Variants in PTCH1 observed in about 807,000 individuals in gnomAD.
The protein encoded by PTCH1 is protein patched homolog 1.
A neutral mutation model predicts 144.6 loss-of-function variants in PTCH1; 14 were observed. The observed-to-expected ratio is 0.10, with a 90% CI of 0.06 to 0.15. The LOEUF is 0.15. Ranked by LOEUF, PTCH1 falls within the 10% of genes least tolerant of loss-of-function variation. The pLI is 1.00. For missense variants in PTCH1, 1,623 were observed against 1,948.3 expected (o/e 0.83, Z 3.14); for synonymous variants, 833 against 793.6 (o/e 1.05, Z -0.83).
In PTCH1 at chr9:95,456,352, T is replaced by C. The variant is rs2136649079; in HGVS notation, c.3230A>G (p.Lys1077Arg). 6.2e-7 allele frequency: 1 copy of C among 1,614,122 alleles called. No homozygotes were observed. The highest frequency in any genetic ancestry group is 2.2e-5 in the East Asian group (1 of 44,876). The stretch of plus-strand genomic sequence containing the variant: ...GATGACCACGGGCACGGCACTGAGC[T>C]TGATTCCGATGAGGCCCATCATGCC... ...LFGMMGLIGI[K>R]LSAVPVVILI... The change falls in exon 19 of 24, where the codon AAG (lysine) becomes AGG (arginine). Residue 1077 changes from lysine (K) to arginine (R), a missense_variant. Physicochemically the swap from Lys to Arg is conservative, Grantham distance 26. This residue lies in a region of PTCH1 where 504 missense variants were observed against 679.3 expected (regional missense o/e 0.74). Transcript: ENST00000331920.
chr9:95,462,838 C>T (rs531619698), intron 15 of PTCH1, among the ~76,000 whole-genome samples: 4 of 152,346 alleles, frequency 2.6e-5, no homozygotes, highest in Admixed American at 2.0e-4. Context: ...CACACAGCTG[C>T]GCTTGGCCTC....
chr9:95,512,647 G>A (rs1564096027), upstream of PTCH1, among the ~76,000 whole-genome samples: 2 of 152,138 alleles, frequency 1.3e-5, no homozygotes, highest in Admixed American at 1.3e-4. Flanking sequence ...GCTTTAATAT[G>A]CATGCCCTGT....
upstream of PTCH1, among the ~76,000 whole-genome samples, chr9:95,512,423 T>TA (rs1249339642): frequency 7.3e-6 from 1 of 136,086 alleles, no homozygotes; most frequent in Non-Finnish European, 1.6e-5. Context: ...TTTTCATACT[T>TA]AGAGATGAAT....
chr9:95,502,815 T>A (rs1843247104), intron 2 of PTCH1, among the ~76,000 whole-genome samples: 2 of 152,154 alleles, frequency 1.3e-5, no homozygotes, highest in South Asian at 4.1e-4. Context: ...TAAAGCCAAC[T>A]CTTTATAAAG....
Position 95,506,616 on chromosome 9 carries a change from A to C in PTCH1, c.202-17T>G. On this transcript the variant is annotated splice_polypyrimidine_tract_variant and intron_variant, in intron 1 of 23. Coordinates refer to ENST00000331920, the MANE Select transcript of PTCH1 (RefSeq NM_000264.5). ...AGCCTTCCCCTGGGGACGAAGCAGA[A>C]GGGAGGAGTGAGCGCCGGGGAGTCG... The C allele has an allele frequency of 6.3e-7, 1 of 1,588,408 alleles. No homozygotes were observed. Among genetic ancestry groups the C allele is most frequent in the Non-Finnish European group, 8.6e-7 (1 of 1,166,476 alleles).
At chr9:95,455,574 G>C (rs1010941920) in intron 19 of PTCH1, among the ~76,000 whole-genome samples, 1 of 152,134 alleles carries the variant, frequency 6.6e-6, no homozygotes, top group African/African-American at 2.4e-5. Context: ...TTATCTCTTG[G>C]ACTAAAGATT....
chr9:95,445,620 T>C lies in PTCH1; in HGVS notation c.*773A>G, dbSNP rs952218521. 6.6e-6 allele frequency: 1 copy of C among 152,208 alleles called. No homozygotes were observed. Among genetic ancestry groups the C allele is most frequent in the African/African-American group, 2.4e-5 (1 of 41,440 alleles). 9.4% of individuals were successfully genotyped at this position (152,208 alleles called of 1,614,324 possible). A position where few individuals can be genotyped will look rare whatever the true frequency, so the allele number is the denominator to read the frequency against. ...CTGATTTGAAAGGATTAGGTGGATG[T>C]TTAGGGCCAGCCCTCACCAGCACGA... On this transcript the variant is annotated 3_prime_UTR_variant, in exon 24 of 24. Transcript: ENST00000331920.
intron 19 of PTCH1, among the ~76,000 whole-genome samples, chr9:95,455,128 G>C (rs1398236704): frequency 6.6e-6 from 1 of 152,152 alleles, no homozygotes; most frequent in Non-Finnish European, 1.5e-5. Flanking sequence ...ATTTGAGCAG[G>C]CTCAAAATTT....
intron 22 of PTCH1, among the ~76,000 whole-genome samples, 197 bp downstream of exon 22, chr9:95,448,872 C>T (rs1224018759): frequency 6.6e-6 from 1 of 152,204 alleles, no homozygotes; most frequent in Admixed American, 6.5e-5. Context: ...GATCAAACCA[C>T]AGGAAGATGG....
chr9:95,492,076 C>G (rs542339511), intron 2 of PTCH1, among the ~76,000 whole-genome samples: 1 of 152,276 alleles, frequency 6.6e-6, no homozygotes, highest in East Asian at 1.9e-4. Flanking sequence ...AGCCATCCAG[C>G]AGATGTCTCC....
intron 15 of PTCH1, among the ~76,000 whole-genome samples, chr9:95,464,635 G>A (rs539829622): frequency 6.6e-6 from 1 of 152,250 alleles, no homozygotes; most frequent in South Asian, 2.1e-4. Flanking sequence ...TTGCATGTAT[G>A]TTTTAAGATG....
intron 2 of PTCH1, among the ~76,000 whole-genome samples, chr9:95,491,072 T>C (rs1427890552): frequency 6.6e-6 from 1 of 152,242 alleles, no homozygotes; most frequent in African/African-American, 2.4e-5. Flanking sequence ...AGTCCTTTTA[T>C]ATTAACAATA....
intron 5 of PTCH1, among the ~76,000 whole-genome samples, chr9:95,481,359 C>T (rs189581296): frequency 1.7e-3 from 266 of 152,348 alleles, no homozygotes; most frequent in Admixed American, 3.3e-3. Context: ...CCCAAGCTCT[C>T]ACTCTTGCAT....
At chr9:95,457,334 C>T (rs1384399026) in intron 18 of PTCH1, among the ~76,000 whole-genome samples, 1 of 152,164 alleles carries the variant, frequency 6.6e-6, no homozygotes, top group East Asian at 1.9e-4. Flanking sequence ...ACAGACTAAA[C>T]ATTTACCTTT....
At chr9:95,461,613 T>G (rs1255456929) in intron 16 of PTCH1, among the ~76,000 whole-genome samples, 1 of 152,184 alleles carries the variant, frequency 6.6e-6, no homozygotes, top group Admixed American at 6.5e-5. Flanking sequence ...ATTGTTCTGG[T>G]GGTAGGAACA....
chr9:95,467,107 C>G lies in PTCH1; in HGVS notation c.2560+9G>C, dbSNP rs2066829. 0.36 allele frequency: 585,522 copies of G among 1,613,226 alleles called. 111,251 individuals carry two copies. The highest frequency in any genetic ancestry group is 0.65 in the African/African-American group (48,546 of 74,890). ...ACCGAAAGGACGAGAGCCTCCCACG[C>G]CGTCTTACCCTGAAGCCAGTCTCTG... is the stretch of plus-strand genomic sequence containing the variant. On this transcript the variant is annotated intron_variant, in intron 15 of 23. Transcript: ENST00000331920.
chr9:95,457,872 C>T lies in PTCH1; in HGVS notation c.3168+141G>A. 1.8e-5 allele frequency: 21 copies of T among 1,192,902 alleles called. No individual in the cohort carries two copies. In the South Asian group the frequency reaches 2.8e-4, roughly 16 times the overall value. The allele number at this position is 1,192,902 out of a possible 1,614,324, so 73.9% of individuals were successfully genotyped here. ...CTACCTTAACCATGGACCTCACCAC[C>T]TCGAGTAGAATAAACATATTACGGA... On this transcript the variant is annotated intron_variant, in intron 18 of 23. Coordinates refer to ENST00000331920, the MANE Select transcript of PTCH1 (RefSeq NM_000264.5).
intron 12 of PTCH1, among the ~76,000 whole-genome samples, chr9:95,470,331 T>TA (rs1840451277): frequency 6.6e-6 from 1 of 152,212 alleles, no homozygotes; most frequent in Non-Finnish European, 1.5e-5. Context: ...ATTTTACAGT[T>TA]AAACATTTTT....
chr9:95,477,934 C>T (rs747485879), intron 9 of PTCH1, 121 bp downstream of exon 9: 4 of 1,559,096 alleles, frequency 2.6e-6, no homozygotes, highest in Non-Finnish European at 3.5e-6. Context: ...GCCACGCTCT[C>T]TCTGTCCTGG....
Sources: gnomAD v4.1 joint callset for allele counts (sites outside exome capture counted in the v4.1 genomes callset) on GRCh38, gnomAD v4.1.1 for gene constraint, gnomAD v4.1.1 regional missense constraint, MANE v1.5 for transcripts, NCBI Gene and HGNC (gene_info 2026-07-23, HGNC 2026-07-21) for gene names.